The following IL1RAPL1 variants were observed in gnomAD, a reference collection of about 807,000 sequenced individuals.
IL1RAPL1 encodes interleukin-1 receptor accessory protein-like 1.
A neutral mutation model predicts 48.4 loss-of-function variants in IL1RAPL1; 3 were observed. The observed-to-expected ratio is 0.06, with a 90% CI of 0.03 to 0.16. The LOEUF is 0.16. Ranked by LOEUF, IL1RAPL1 falls within the 10% of genes least tolerant of loss-of-function variation. The probability of loss-of-function intolerance (pLI) is 1.00; values close to 1 mark genes in which losing one functional copy is unlikely to be tolerated. For missense variants in IL1RAPL1, 349 were observed against 530.6 expected, an observed-to-expected ratio of 0.66 and a Z score of 3.36; for synonymous variants, 185 against 187.7, an observed-to-expected ratio of 0.99 and a Z score of 0.12.
chrX:29,269,640 G>C (rs1375632179), intron 2 of IL1RAPL1, among the ~76,000 whole-genome samples: 1 of 90,550 alleles, frequency 1.1e-5, no homozygotes, highest in African/African-American at 4.1e-5. Context: ...TTTTTTTTCT[G>C]TGCTGCCATC....
At chrX:29,393,217 G>A (rs1328675286) in intron 3 of IL1RAPL1, among the ~76,000 whole-genome samples, 3 of 111,697 alleles carry the variant, frequency 2.7e-5, no homozygotes, top group African/African-American at 9.8e-5. Flanking sequence ...CGCCTCCCGG[G>A]TTCACGCCAT....
intron 3 of IL1RAPL1, among the ~76,000 whole-genome samples, chrX:29,332,532 T>G (rs1304031502): frequency 9.6e-6 from 1 of 103,865 alleles, no homozygotes; most frequent in Admixed American, 1.1e-4. Context: ...GTTGCCAATA[T>G]TTGGAATCAG....
rs140143723 is a variant in IL1RAPL1 at position 29,176,774 on chromosome X, G to C, written c.83-106164G>C. On this transcript the variant is annotated intron_variant, in intron 2 of 10. Coordinates refer to ENST00000378993, the MANE Select transcript of IL1RAPL1 (RefSeq NM_014271.4). The stretch of plus-strand genomic sequence containing the variant: ...TTTGAAAATGTGTCCCCTTTCTGCT[G>C]TATTGTGCCCCCTTCCCCACTAAAA... Among the ~76,000 whole-genome samples the C allele has an allele frequency of 3.9e-4, 43 of 110,728 alleles. 1 individual carries two copies. In the East Asian group the frequency reaches 0.012, roughly 31 times the overall value.
intron 2 of IL1RAPL1, among the ~76,000 whole-genome samples, chrX:29,023,553 A>G (rs1287638678): frequency 1.8e-5 from 2 of 112,805 alleles, no homozygotes; most frequent in East Asian, 5.5e-4. Flanking sequence ...TCCCTAGGCA[A>G]ATAAAAAACT....
chrX:28,609,387 A>G (rs1253726417), intron 1 of IL1RAPL1, among the ~76,000 whole-genome samples: 1 of 111,148 alleles, frequency 9.0e-6, no homozygotes, highest in Non-Finnish European at 1.9e-5. Context: ...CAGAGGTTAT[A>G]CCACTGACAA....
rs201652996 is a variant in IL1RAPL1 at position 29,578,794 on chromosome X, A to ATTTG, written c.704-89634_704-89631dup. Among the ~76,000 whole-genome samples the ATTTG allele has an allele frequency of 5.8e-3, 646 of 111,885 alleles. 21 individuals are homozygous for ATTTG. The highest frequency in any genetic ancestry group is 0.054 in the Admixed American group (565 of 10,485). ...GTGATATGCTAACATAAATGGGTGA[A>ATTTG]TTTGTAGATGTATCAGTTGAGATTT... On this transcript the variant is annotated intron_variant, in intron 5 of 10. Coordinates refer to ENST00000378993, the MANE Select transcript of IL1RAPL1 (RefSeq NM_014271.4).
intron 2 of IL1RAPL1, among the ~76,000 whole-genome samples, chrX:28,861,054 C>T (rs1453937253): frequency 4.5e-5 from 5 of 110,530 alleles, no homozygotes; most frequent in African/African-American, 1.3e-4. Flanking sequence ...CTCAATAATA[C>T]TACTGAAAAA....
intron 3 of IL1RAPL1, among the ~76,000 whole-genome samples, chrX:29,360,946 G>A (rs1933368040): frequency 9.0e-6 from 1 of 111,649 alleles, no homozygotes; most frequent in South Asian, 3.7e-4. Context: ...TCTTTCTAAA[G>A]TCCCTAAGCT....
Position 28,952,359 on chromosome X carries a change from G to A in IL1RAPL1, c.82+162934G>A, listed in dbSNP as rs769485964. Among the ~76,000 whole-genome samples the A allele has an allele frequency of 8.1e-5, 9 of 111,026 alleles. No individual in the cohort carries two copies. In the South Asian group the frequency reaches 3.0e-3, roughly 37 times the overall value. On this transcript the variant is annotated intron_variant, in intron 2 of 10. Transcript: ENST00000378993. ...AAAAAAGTTATGTTTATAAATTGTAGGGTTATATGTACACACAAAAAGAAA... is the reference window on the plus strand; with the variant it reads ...AAAAAAGTTATGTTTATAAATTGTAAGGTTATATGTACACACAAAAAGAAA...
intron 2 of IL1RAPL1, among the ~76,000 whole-genome samples, chrX:28,817,821 G>T (rs1936887337): frequency 9.0e-6 from 1 of 110,765 alleles, no homozygotes; most frequent in Admixed American, 9.7e-5. Flanking sequence ...TTTTTAAAAT[G>T]TTGACCTCAC....
intron 2 of IL1RAPL1, among the ~76,000 whole-genome samples, chrX:28,795,098 G>T (rs1052125442): frequency 2.7e-5 from 3 of 110,466 alleles, no homozygotes; most frequent in African/African-American, 9.9e-5. Flanking sequence ...TTTTCCTTTG[G>T]GGTAGCTTAT....
rs180671448 is a variant in IL1RAPL1 at position 29,266,203 on chromosome X, C to T, written c.83-16735C>T. On this transcript the variant is annotated intron_variant, in intron 2 of 10. Transcript: ENST00000378993. Reference sequence around the variant, plus strand: ...GCGGCACTATTCACAATAGCAAAGACTTGGAACCAACCCAAATGTCCAACA... The same window carrying T: ...GCGGCACTATTCACAATAGCAAAGATTTGGAACCAACCCAAATGTCCAACA... Among the ~76,000 whole-genome samples, 471 of 111,877 alleles carry T rather than the reference C, an allele frequency of 4.2e-3. 3 individuals are homozygous for T. The highest frequency in any genetic ancestry group is 0.014 in the African/African-American group (435 of 30,846).
At chrX:29,313,253 C>CTGTGTGTG (rs35894909) in intron 3 of IL1RAPL1, among the ~76,000 whole-genome samples, 60 of 90,806 alleles carry the variant, frequency 6.6e-4, no homozygotes, top group African/African-American at 1.4e-3. Context: ...ACATACAAGC[C>CTGTGTGTG]TGTGTGTGTG....
chrX:28,610,570 G>A (rs757606212), intron 1 of IL1RAPL1, among the ~76,000 whole-genome samples: 1 of 112,232 alleles, frequency 8.9e-6, no homozygotes, highest in South Asian at 3.7e-4. Flanking sequence ...GTAGCAGTTA[G>A]CATCATTTTG....
chrX:28,629,463 T>C (rs1455406414), intron 1 of IL1RAPL1, among the ~76,000 whole-genome samples: 1 of 112,038 alleles, frequency 8.9e-6, no homozygotes, highest in Non-Finnish European at 1.9e-5. Flanking sequence ...AAAGACATGA[T>C]CTATTAAAGA....
At chrX:28,810,364 A>G (rs1421831712) in intron 2 of IL1RAPL1, among the ~76,000 whole-genome samples, 4 of 110,939 alleles carry the variant, frequency 3.6e-5, no homozygotes, top group Non-Finnish European at 5.7e-5. Flanking sequence ...GAGAGAAAAT[A>G]TGAGTGTGAT....
intron 5 of IL1RAPL1, among the ~76,000 whole-genome samples, chrX:29,470,070 G>A (rs756338098): frequency 8.9e-6 from 1 of 112,172 alleles, no homozygotes; most frequent in Non-Finnish European, 1.9e-5. Flanking sequence ...AGACTGTCTA[G>A]AACAGACTAA....
intron 2 of IL1RAPL1, among the ~76,000 whole-genome samples, chrX:29,269,848 C>T (rs1932012740): frequency 9.0e-6 from 1 of 110,881 alleles, no homozygotes; most frequent in Admixed American, 9.7e-5. Flanking sequence ...ACTCATGAAA[C>T]TATCATCACC....
chrX:29,459,905 A>G (rs781628217), intron 5 of IL1RAPL1, among the ~76,000 whole-genome samples: 16 of 111,363 alleles, frequency 1.4e-4, no homozygotes, highest in Non-Finnish European at 2.5e-4. Context: ...TGACCAACAT[A>G]TTGCCCCCCA....
Sources: allele counts gnomAD v4.1 joint callset (sites outside exome capture counted in the v4.1 genomes callset), GRCh38; gene constraint gnomAD v4.1.1; transcripts MANE v1.5; gene names NCBI Gene and HGNC (gene_info 2026-07-23, HGNC 2026-07-21).